CSMD1: variants seen among roughly 807,000 people sequenced by gnomAD.
CSMD1 encodes CUB and Sushi multiple domains 1, also known as CUB and sushi domain-containing protein 1.
In CSMD1, 213 loss-of-function variants were observed where a neutral mutation model predicts 417.5. The ratio of observed to expected loss-of-function variants is 0.51; its 90% CI spans 0.46 to 0.57. CSMD1 has a LOEUF of 0.57. Among genes scored for constraint, CSMD1 ranks in the 20% least tolerant of loss-of-function variants. CSMD1 has a pLI of 0.00. For synonymous variants in CSMD1, 2,862 were observed against 1,736.8 expected, an observed-to-expected ratio of 1.65 and a Z score of -16.11; for missense variants, 6,923 against 4,529.7, an observed-to-expected ratio of 1.53 and a Z score of -15.17.
At chr8:4,810,563 AT>A (rs1563459242) in intron 1 of CSMD1, among the ~76,000 whole-genome samples, 1 of 152,072 alleles carries the variant, frequency 6.6e-6, no homozygotes. Flanking sequence ...ATGTGTGTGT[AT>A]GTGGGGGGTG....
chr8:3,361,672 AC>A (rs1809190487), intron 20 of CSMD1, among the ~76,000 whole-genome samples: 12 of 144,030 alleles, frequency 8.3e-5, no homozygotes, highest in African/African-American at 1.5e-4. Flanking sequence ...AAAAAAAAAA[AC>A]AAACAAAAAC....
chr8:4,992,532 C>G (rs1275124264), intron 1 of CSMD1, among the ~76,000 whole-genome samples: 1 of 152,166 alleles, frequency 6.6e-6, no homozygotes, highest in African/African-American at 2.4e-5. Context: ...TTCCTCTCCA[C>G]GCAGGGGCTC....
intron 2 of CSMD1, among the ~76,000 whole-genome samples, chr8:4,588,569 C>T (rs955765802): frequency 6.6e-6 from 1 of 151,718 alleles, no homozygotes; most frequent in Admixed American, 6.6e-5. Context: ...CCGAGTCTGG[C>T]GGATCAGCAG....
At chr8:4,501,169 T>C (rs754194564) in intron 2 of CSMD1, among the ~76,000 whole-genome samples, 3 of 152,136 alleles carry the variant, frequency 2.0e-5, no homozygotes, top group Non-Finnish European at 4.4e-5. Flanking sequence ...TTTATGTGTA[T>C]GCATATATAT....
intron 1 of CSMD1, among the ~76,000 whole-genome samples, chr8:4,765,249 A>G (rs1309579418): frequency 6.6e-6 from 1 of 152,146 alleles, no homozygotes; most frequent in Non-Finnish European, 1.5e-5. Flanking sequence ...TACAATAATG[A>G]CTTTCCATAT....
chr8:4,180,301 A>C (rs544159150), intron 3 of CSMD1, among the ~76,000 whole-genome samples: 3 of 152,166 alleles, frequency 2.0e-5, no homozygotes, highest in African/African-American at 7.2e-5. Context: ...ACTGGAAATC[A>C]TCATTGTCAG....
In CSMD1 at chr8:3,018,629, GA is replaced by G. The variant is rs1376787143; in HGVS notation, c.7876del (p.Ser2626ProfsTer12). The G allele has an allele frequency of 6.2e-7, 1 of 1,612,110 alleles. No homozygotes were observed. The highest frequency in any genetic ancestry group is 1.7e-5 in the Admixed American group (1 of 59,870). ...AATCTTGTTGCCATTTGGGGGAAAG[GA>G]AAGGCTTCCACACGAGATAACTAGA... ...SCRVISCGSLSFPPNGNKIGT... is the reference protein window; with the variant it reads ...SCRVISCGSLXFPPNGNKIGT... On this transcript the variant is annotated frameshift_variant, in exon 52 of 70. Transcript: ENST00000635120. LOFTEE classifies it high-confidence loss of function.
intron 23 of CSMD1, among the ~76,000 whole-genome samples, chr8:3,312,790 T>C (rs914477937): frequency 2.2e-5 from 3 of 133,518 alleles, no homozygotes; most frequent in Non-Finnish European, 4.9e-5. Flanking sequence ...TCAGCATCTC[T>C]CAGGTTCTCA....
chr8:4,812,658 C>T (rs1798975085), intron 1 of CSMD1, among the ~76,000 whole-genome samples: 1 of 152,060 alleles, frequency 6.6e-6, no homozygotes, highest in South Asian at 2.1e-4. Flanking sequence ...GATTCTTATT[C>T]TCTATAATTT....
chr8:4,123,794 T>G (rs549859471), intron 3 of CSMD1, among the ~76,000 whole-genome samples: 3 of 152,172 alleles, frequency 2.0e-5, no homozygotes, highest in African/African-American at 7.2e-5. Flanking sequence ...GAACCCAAAA[T>G]AAAATATAAT....
chr8:4,349,263 G>A (rs1055994030), intron 3 of CSMD1, among the ~76,000 whole-genome samples: 5 of 152,106 alleles, frequency 3.3e-5, no homozygotes, highest in Non-Finnish European at 7.4e-5. Context: ...ACAGACCAGT[G>A]GTTTTCAAAA....
intron 5 of CSMD1, among the ~76,000 whole-genome samples, chr8:3,920,668 G>C (rs955115908): frequency 1.3e-5 from 2 of 151,970 alleles, no homozygotes; most frequent in Non-Finnish European, 2.9e-5. Context: ...ATAATTTGTT[G>C]AGAGCTTTTA....
At chr8:3,310,634 G>C (rs61305119) in intron 23 of CSMD1, among the ~76,000 whole-genome samples, 1 of 152,180 alleles carries the variant, frequency 6.6e-6, no homozygotes, top group Non-Finnish European at 1.5e-5. Context: ...TTTGAGTTCA[G>C]CATCTATCCC....
chr8:3,289,734 T>A (rs1222712853), intron 25 of CSMD1, among the ~76,000 whole-genome samples: 10 of 147,502 alleles, frequency 6.8e-5, no homozygotes, highest in Non-Finnish European at 2.9e-5. Context: ...TAGCCCTTTG[T>A]CAGATGAGGA....
intron 3 of CSMD1, among the ~76,000 whole-genome samples, chr8:4,125,536 C>T (rs1348852405): frequency 3.3e-5 from 5 of 152,214 alleles, no homozygotes; most frequent in Admixed American, 2.6e-4. Context: ...CAGGGGCGCG[C>T]AGCCTCAACT....
chr8:4,276,321 G>C (rs767626044), intron 3 of CSMD1, among the ~76,000 whole-genome samples: 1 of 152,162 alleles, frequency 6.6e-6, no homozygotes, highest in Admixed American at 6.5e-5. Flanking sequence ...AATGTCCTTT[G>C]CAGGGACATG....
At chr8:3,967,831 A>G (rs1482895367) in intron 5 of CSMD1, among the ~76,000 whole-genome samples, 2 of 151,982 alleles carry the variant, frequency 1.3e-5, no homozygotes, top group Admixed American at 1.3e-4. Flanking sequence ...ATAGATAAGG[A>G]AAGTAACTTA....
intron 3 of CSMD1, among the ~76,000 whole-genome samples, chr8:4,290,514 G>A (rs1797303581): frequency 6.6e-6 from 1 of 152,156 alleles, no homozygotes; most frequent in Non-Finnish European, 1.5e-5. Flanking sequence ...AAGGACAGAT[G>A]ATGTTTCTCT....
At chr8:4,742,986 C>G (rs1263322494) in intron 1 of CSMD1, among the ~76,000 whole-genome samples, 1 of 152,156 alleles carries the variant, frequency 6.6e-6, no homozygotes, top group Admixed American at 6.5e-5. Context: ...ACATGGTCAA[C>G]TGTCAACCAC....
Sources: allele counts gnomAD v4.1 joint callset (sites outside exome capture counted in the v4.1 genomes callset), GRCh38; gene constraint gnomAD v4.1.1; transcripts MANE v1.5; gene names NCBI Gene and HGNC (gene_info 2026-07-23, HGNC 2026-07-21).